Variants in EVL observed in about 807,000 individuals in gnomAD.
EVL encodes ena/VASP-like protein.
Under a neutral mutation model 59.6 loss-of-function variants are expected in EVL, and 21 were observed. The observed-to-expected ratio is 0.35, with a 90% CI of 0.25 to 0.51. The LOEUF is 0.51. EVL is among the 20% of genes least tolerant of loss of function. The pLI, the probability that EVL is intolerant of heterozygous loss-of-function variation, is 0.97. For missense variants in EVL, 462 were observed against 546.6 expected, an observed-to-expected ratio of 0.85 and a Z score of 1.54; for synonymous variants, 198 against 203.5, an observed-to-expected ratio of 0.97 and a Z score of 0.23.
At chr14:100,042,674 A>C (rs2061484927) in intron 1 of EVL, among the ~76,000 whole-genome samples, 1 of 152,166 alleles carries the variant, frequency 6.6e-6, no homozygotes, top group South Asian at 2.1e-4. Context: ...AGTTACTTTG[A>C]GGAATTAATG....
intron 3 of EVL, among the ~76,000 whole-genome samples, chr14:100,103,314 A>G (rs973937890): frequency 6.6e-6 from 1 of 152,026 alleles, no homozygotes; most frequent in African/African-American, 2.4e-5. Flanking sequence ...AGCCAAGGAC[A>G]GATGTAGAAA....
intron 1 of EVL, among the ~76,000 whole-genome samples, chr14:100,049,028 A>G (rs755732276): frequency 6.6e-6 from 1 of 152,196 alleles, no homozygotes; most frequent in Non-Finnish European, 1.5e-5. Context: ...TTACACCACC[A>G]ATCTATGTAG....
intron 2 of EVL, among the ~76,000 whole-genome samples, chr14:100,089,670 C>G (rs1237285993): frequency 6.6e-6 from 1 of 152,208 alleles, no homozygotes; most frequent in Non-Finnish European, 1.5e-5. Context: ...CCTGTAATCC[C>G]GGCATTTTGG....
At chr14:100,119,058 T>A (rs1327359680) in intron 3 of EVL, among the ~76,000 whole-genome samples, 1 of 152,236 alleles carries the variant, frequency 6.6e-6, no homozygotes, top group Non-Finnish European at 1.5e-5. Flanking sequence ...TGGCCCGTCC[T>A]GCTACCAGTG....
At chr14:99,985,767 C>CAGAA (rs2060836064) in intron 1 of EVL, among the ~76,000 whole-genome samples, 1 of 125,744 alleles carries the variant, frequency 8.0e-6, no homozygotes, top group African/African-American at 4.5e-5. Flanking sequence ...AGCTCCATCT[C>CAGAA]AGAAAGAAAA....
chr14:100,115,445 T>C (rs1334660037), intron 3 of EVL, among the ~76,000 whole-genome samples: 3 of 152,376 alleles, frequency 2.0e-5, no homozygotes, highest in African/African-American at 7.2e-5. Context: ...TCCTCTCCAG[T>C]GTCTCCTTGT....
chr14:100,053,319 A>G (rs187604240), intron 1 of EVL, among the ~76,000 whole-genome samples: 1 of 152,120 alleles, frequency 6.6e-6, no homozygotes, highest in Admixed American at 6.5e-5. Flanking sequence ...TGGATATATT[A>G]TATTTCTTCA....
intron 9 of EVL, among the ~76,000 whole-genome samples, chr14:100,136,374 G>A (rs369038272): frequency 5.3e-5 from 8 of 152,332 alleles, no homozygotes; most frequent in African/African-American, 1.4e-4. Flanking sequence ...GCTGATGACC[G>A]ACATTACAGA....
chr14:100,047,290 G>C (rs988274902), intron 1 of EVL, among the ~76,000 whole-genome samples: 82 of 151,888 alleles, frequency 5.4e-4, no homozygotes, highest in African/African-American at 1.5e-3. Context: ...CCATTGGCTA[G>C]ATGGCCAATG....
At chr14:100,102,704 C>T (rs956233646) in intron 3 of EVL, among the ~76,000 whole-genome samples, 7 of 152,204 alleles carry the variant, frequency 4.6e-5, no homozygotes, top group African/African-American at 1.7e-4. Context: ...CCCCTACCCA[C>T]CCGTTCCTCT....
intron 1 of EVL, among the ~76,000 whole-genome samples, chr14:99,993,180 C>T (rs891202777): frequency 6.6e-6 from 1 of 151,454 alleles, no homozygotes; most frequent in East Asian, 1.9e-4. Context: ...GCCTCAGCCT[C>T]CTGAGTAGCT....
chr14:100,126,876 A>T, intron 5 of EVL, 105 bp downstream of exon 5: 1 of 1,086,930 alleles, frequency 9.2e-7, no homozygotes, highest in South Asian at 1.4e-5. Flanking sequence ...GTGAGCAGCT[A>T]TGGGGAGCCT....
At chr14:100,049,726 TCAC>T in intron 1 of EVL, among the ~76,000 whole-genome samples, 1 of 152,294 alleles carries the variant, frequency 6.6e-6, no homozygotes, top group Middle Eastern at 3.4e-3. Context: ...TTTGCAACCA[TCAC>T]CACAATTAAT....
At chr14:100,082,449 G>T (rs1358756154) in intron 1 of EVL, among the ~76,000 whole-genome samples, 1 of 152,178 alleles carries the variant, frequency 6.6e-6, no homozygotes, top group Non-Finnish European at 1.5e-5. Context: ...CCGGTGGGTT[G>T]TCACAGGCTC....
chr14:100,109,296 C>A lies in EVL; in HGVS notation c.358+11638C>A. On this transcript the variant is annotated intron_variant, in intron 3 of 13. Coordinates refer to ENST00000392920, the MANE Select transcript of EVL (RefSeq NM_016337.3). This position sits in a 1 kb window ranked among gnomAD's most constrained non-coding sequence, Gnocchi z 4.3. ...GCCCCTGCCCTCATGCATGTTCTCT[C>A]CATACTCCTGGTCACCTTCTGCTCA... The A allele has an allele frequency of 2.9e-6, 1 of 346,076 alleles. No individual in the cohort carries two copies. Among genetic ancestry groups the A allele is most frequent in the South Asian group, 2.2e-5 (1 of 45,178 alleles). The allele number at this position is 346,076 out of a possible 1,614,324, so 21.4% of individuals were successfully genotyped here.
chr14:100,058,271 C>T (rs2061766212), intron 1 of EVL, among the ~76,000 whole-genome samples: 1 of 152,216 alleles, frequency 6.6e-6, no homozygotes, highest in Non-Finnish European at 1.5e-5. Context: ...CAAGTCAACA[C>T]AGTTGTTGTT....
At chr14:100,063,202 A>G (rs2061866803), upstream of EVL, among the ~76,000 whole-genome samples, 1 of 152,220 alleles carries the variant, frequency 6.6e-6, no homozygotes, top group African/African-American at 2.4e-5. Context: ...TGGATTATCC[A>G]TTGGGTCCAG....
intron 3 of EVL, among the ~76,000 whole-genome samples, chr14:100,122,276 G>A (rs1887749204): frequency 2.6e-5 from 4 of 152,310 alleles, no homozygotes; most frequent in South Asian, 4.1e-4. Context: ...AAGAAAGAAC[G>A]TGGCATTTGC....
At chr14:99,994,138 T>G (rs1374268368) in intron 1 of EVL, among the ~76,000 whole-genome samples, 2 of 140,010 alleles carry the variant, frequency 1.4e-5, no homozygotes, top group Non-Finnish European at 3.0e-5. Context: ...TTTTTTTTTT[T>G]GTACTTTCAG....
Sources: allele counts gnomAD v4.1 joint callset (sites outside exome capture counted in the v4.1 genomes callset), GRCh38; gene constraint gnomAD v4.1.1; non-coding constraint Gnocchi (gnomAD v3.1); transcripts MANE v1.5; gene names NCBI Gene and HGNC (gene_info 2026-07-23, HGNC 2026-07-21).